The following GRID2 variants were observed in gnomAD, a reference collection of about 807,000 sequenced individuals.
The protein encoded by GRID2 is glutamate receptor ionotropic, delta-2.
GRID2 carries 33 observed loss-of-function variants against 114.8 expected under a neutral mutation model. The ratio of observed to expected loss-of-function variants is 0.29; its 90% CI spans 0.22 to 0.38. GRID2 has a LOEUF of 0.38. Among genes scored for constraint, GRID2 ranks in the 10% least tolerant of loss-of-function variants. GRID2 has a pLI of 1.00. For synonymous variants in GRID2, 505 were observed against 449.9 expected (o/e 1.12, Z -1.55); for missense variants, 1,184 against 1,257.7 (o/e 0.94, Z 0.89).
chr4:93,003,013 A>T (rs947983193), intron 2 of GRID2, among the ~76,000 whole-genome samples: 9 of 151,766 alleles, frequency 5.9e-5, no homozygotes, highest in Non-Finnish European at 1.2e-4. Flanking sequence ...CCTCTCTCTT[A>T]TTAGAACACT....
downstream of GRID2, among the ~76,000 whole-genome samples, chr4:93,778,245 A>C (rs1734408671): frequency 6.6e-6 from 1 of 152,200 alleles, no homozygotes; most frequent in African/African-American, 2.4e-5. Context: ...ATTCCTTTCC[A>C]AAATTAGGTT....
downstream of GRID2, chr4:93,810,208 A>G (rs1191280935): frequency 2.0e-5 from 3 of 152,214 alleles, no homozygotes; most frequent in Non-Finnish European, 4.4e-5. Context: ...TTTTTCAGAA[A>G]TAAAATCCTT....
At chr4:93,579,354 C>T (rs1447320042) in intron 13 of GRID2, among the ~76,000 whole-genome samples, 1 of 152,058 alleles carries the variant, frequency 6.6e-6, no homozygotes, top group Non-Finnish European at 1.5e-5. Context: ...TCAATATTGA[C>T]AGCCCAATAG....
intron 13 of GRID2, among the ~76,000 whole-genome samples, chr4:93,534,222 T>G (rs898660913): frequency 1.3e-5 from 2 of 152,332 alleles, no homozygotes; most frequent in South Asian, 2.1e-4. Context: ...CTGCTTTTAT[T>G]CTGTTTCCAT....
At chr4:93,577,205 A>G (rs767447915) in intron 13 of GRID2, among the ~76,000 whole-genome samples, 20 of 152,170 alleles carry the variant, frequency 1.3e-4, no homozygotes, top group African/African-American at 4.6e-4. Context: ...AGTGTGGCAG[A>G]CAGAAATATG....
chr4:92,635,770 A>G (rs998685152), intron 2 of GRID2, among the ~76,000 whole-genome samples: 5 of 152,244 alleles, frequency 3.3e-5, no homozygotes, highest in South Asian at 2.1e-4. Context: ...CAGTATTTCA[A>G]TGATTTCAGG....
intron 2 of GRID2, among the ~76,000 whole-genome samples, chr4:92,643,906 T>G (rs1394972773): frequency 6.6e-6 from 1 of 151,856 alleles, no homozygotes; most frequent in Non-Finnish European, 1.5e-5. Flanking sequence ...AATTGCAAAG[T>G]GTAATTTTCT....
At chr4:93,746,409 G>T (rs943943739) in intron 14 of GRID2, among the ~76,000 whole-genome samples, 1 of 152,008 alleles carries the variant, frequency 6.6e-6, no homozygotes, top group Non-Finnish European at 1.5e-5. Flanking sequence ...CCCTAGCTGG[G>T]TTACTCTAGT....
chr4:93,049,345 T>C (rs2149278439), intron 2 of GRID2, among the ~76,000 whole-genome samples: 1 of 152,166 alleles, frequency 6.6e-6, no homozygotes, highest in South Asian at 2.1e-4. Context: ...CTAGGATATG[T>C]GCACGCAGAT....
chr4:93,760,810 A>G (rs550243849), intron 14 of GRID2, among the ~76,000 whole-genome samples: 8 of 152,336 alleles, frequency 5.3e-5, no homozygotes, highest in East Asian at 1.9e-4. Context: ...TTAGTAAATC[A>G]TAATCACTTC....
intron 14 of GRID2, among the ~76,000 whole-genome samples, chr4:93,729,135 A>G (rs1241159282): frequency 1.3e-5 from 2 of 152,130 alleles, no homozygotes; most frequent in African/African-American, 2.4e-5. Flanking sequence ...TGACCTCATG[A>G]TCCGCCCACC....
chr4:92,651,297 CAG>C (rs1731919166), intron 2 of GRID2, among the ~76,000 whole-genome samples: 2 of 152,012 alleles, frequency 1.3e-5, no homozygotes, highest in Non-Finnish European at 2.9e-5. Flanking sequence ...ATCAGGGACT[CAG>C]TGTGGGTCTC....
chr4:92,557,663 C>A (rs1297979640), intron 1 of GRID2, among the ~76,000 whole-genome samples: 1 of 106,826 alleles, frequency 9.4e-6, no homozygotes, highest in Non-Finnish European at 2.2e-5. Context: ...ATATATATAA[C>A]CAAACTGTCG....
At chr4:93,113,924 C>T (rs1369229918) in intron 4 of GRID2, among the ~76,000 whole-genome samples, 1 of 152,020 alleles carries the variant, frequency 6.6e-6, no homozygotes, top group Non-Finnish European at 1.5e-5. Context: ...AGGCAAAGGG[C>T]TAGGGAAGGA....
At chr4:92,456,400 T>C (rs1298952727) in intron 1 of GRID2, among the ~76,000 whole-genome samples, 1 of 152,090 alleles carries the variant, frequency 6.6e-6, no homozygotes, top group Admixed American at 6.6e-5. Flanking sequence ...ATGGTTTATA[T>C]ATAAGTTTAA....
chr4:92,794,177 C>T (rs1170986527), intron 2 of GRID2, among the ~76,000 whole-genome samples: 2 of 151,852 alleles, frequency 1.3e-5, no homozygotes, highest in East Asian at 2.0e-4. Flanking sequence ...AATCCAGTGG[C>T]ACATGTAAGC....
intron 1 of GRID2, among the ~76,000 whole-genome samples, chr4:92,487,650 C>T (rs1396736981): frequency 6.6e-6 from 1 of 152,208 alleles, no homozygotes; most frequent in African/African-American, 2.4e-5. Flanking sequence ...CCCCTGTTTT[C>T]CCCACCCTTG....
intron 3 of GRID2, among the ~76,000 whole-genome samples, chr4:93,109,389 G>T (rs930410296): frequency 6.6e-6 from 1 of 152,126 alleles, no homozygotes; most frequent in African/African-American, 2.4e-5. Flanking sequence ...TGAAATGAAA[G>T]AATTCAGAAG....
At chr4:93,349,867 A>T (rs1030505225) in intron 8 of GRID2, among the ~76,000 whole-genome samples, 4 of 152,108 alleles carry the variant, frequency 2.6e-5, no homozygotes, top group Non-Finnish European at 5.9e-5. Context: ...CAAATATTAT[A>T]CCTTAATTAT....
Sources: gnomAD v4.1 joint callset for allele counts (sites outside exome capture counted in the v4.1 genomes callset) on GRCh38, gnomAD v4.1.1 for gene constraint, MANE v1.5 for transcripts, NCBI Gene and HGNC (gene_info 2026-07-23, HGNC 2026-07-21) for gene names.